DCLK1: variants seen among roughly 807,000 people sequenced by gnomAD.
DCLK1 encodes serine/threonine-protein kinase DCLK1.
In DCLK1, 16 loss-of-function variants were observed where a neutral mutation model predicts 86.2. The observed-to-expected ratio is 0.19, with a 90% CI of 0.13 to 0.28. DCLK1 has a LOEUF of 0.28. Among genes scored for constraint, DCLK1 ranks in the 10% least tolerant of loss-of-function variants. The pLI is 1.00. For synonymous variants in DCLK1, 369 were observed against 370.5 expected (o/e 1.00, Z 0.05); for missense variants, 590 against 940.2 (o/e 0.63, Z 4.87).
At chr13:36,006,021 C>T (rs945796364) in intron 3 of DCLK1, among the ~76,000 whole-genome samples, 5 of 151,988 alleles carry the variant, frequency 3.3e-5, no homozygotes, top group African/African-American at 4.8e-5. Context: ...GCTGGAGGGT[C>T]GGGGGAAAGA....
intron 6 of DCLK1, among the ~76,000 whole-genome samples, chr13:35,841,308 T>C (rs1414653326): frequency 5.3e-5 from 8 of 152,212 alleles, no homozygotes; most frequent in South Asian, 2.1e-4. Context: ...CATCAGGTAC[T>C]CGATACAGAG....
intron 3 of DCLK1, among the ~76,000 whole-genome samples, chr13:35,983,268 G>C (rs1309152731): frequency 6.6e-6 from 1 of 152,186 alleles, no homozygotes; most frequent in Non-Finnish European, 1.5e-5. Context: ...TGGGATTACA[G>C]GCATGAGCCA....
chr13:35,878,406 C>A (rs569102204), intron 4 of DCLK1, among the ~76,000 whole-genome samples: 1 of 152,010 alleles, frequency 6.6e-6, no homozygotes, highest in South Asian at 2.1e-4. Context: ...CATCCTACTG[C>A]CTGTGGGGTT....
intron 15 of DCLK1, among the ~76,000 whole-genome samples, chr13:35,803,469 T>C (rs2086963352): frequency 1.3e-5 from 2 of 152,206 alleles, no homozygotes; most frequent in African/African-American, 4.8e-5. Context: ...ATGAGAAGCC[T>C]TAAAACAAAC....
At chr13:35,814,267 A>G (rs1429088824) in intron 11 of DCLK1, among the ~76,000 whole-genome samples, 2 of 152,212 alleles carry the variant, frequency 1.3e-5, no homozygotes, top group Non-Finnish European at 2.9e-5. Context: ...GCACGCGCGC[A>G]CACACGCACA....
At chr13:35,885,124 C>T (rs1485106563) in intron 4 of DCLK1, among the ~76,000 whole-genome samples, 4 of 152,078 alleles carry the variant, frequency 2.6e-5, no homozygotes, top group Admixed American at 2.6e-4. Context: ...CAAGCTTGAT[C>T]GGGAACAGAG....
At chr13:35,851,395 C>T (rs1870623405) in intron 6 of DCLK1, among the ~76,000 whole-genome samples, 1 of 152,152 alleles carries the variant, frequency 6.6e-6, no homozygotes, top group South Asian at 2.1e-4. Flanking sequence ...ACCTCCCCTT[C>T]CTGCTACTAG....
intron 16 of DCLK1, among the ~76,000 whole-genome samples, chr13:35,775,789 CAG>C (rs2086415213): frequency 6.6e-6 from 1 of 152,136 alleles, no homozygotes; most frequent in Admixed American, 6.5e-5. Context: ...CTTCAAAGAA[CAG>C]AGATAAATTT....
chr13:36,073,640 C>T (rs1386116992), intron 3 of DCLK1, among the ~76,000 whole-genome samples: 1 of 152,172 alleles, frequency 6.6e-6, no homozygotes, highest in Non-Finnish European at 1.5e-5. Flanking sequence ...AATTCCATCA[C>T]CACCTGCTGT....
chr13:35,962,379 G>A lies in DCLK1; in HGVS notation c.724-14922C>T, dbSNP rs567971025. 1.8e-4 allele frequency among the ~76,000 whole-genome samples: 27 copies of A among 152,274 alleles called. 2 individuals carry two copies. The South Asian group carries it at 5.0e-3, about 28-fold the overall frequency. ...CACGTGAATATAAAGGCAGAGGTTGGAAGATGCTTCCGTAAGCCACGGAAC... is the reference window on the plus strand; with the variant it reads ...CACGTGAATATAAAGGCAGAGGTTGAAAGATGCTTCCGTAAGCCACGGAAC... On this transcript the variant is annotated intron_variant, in intron 3 of 16. Coordinates refer to ENST00000360631, the MANE Select transcript of DCLK1 (RefSeq NM_001330071.2).
At position 35,810,839 on chromosome 13, in the gene DCLK1, T is replaced by C. The variant is rs1419839290; in HGVS notation, c.1684A>G (p.Thr562Ala). The change falls in exon 12 of 17, where the codon ACT becomes GCT. Residue 562 changes from threonine to alanine, a missense_variant. Thr to Ala is a moderately conservative substitution (Grantham distance 58, BLOSUM62 0). This residue lies in a region of DCLK1 where 28 missense variants were observed against 77.1 expected (regional missense o/e 0.36). Coordinates refer to ENST00000360631, the MANE Select transcript of DCLK1 (RefSeq NM_001330071.2). ...AAACATAAGAGAAGCATTTACCCAG[T>C]CTCTGCAATGATTTCTGGAGCCACG... ...TYVAPEIIAETGYGLKVDIWA... is the reference protein window; with the variant it reads ...TYVAPEIIAEAGYGLKVDIWA... 6.2e-7 allele frequency: 1 copy of C among 1,613,598 alleles called. No individual in the cohort carries two copies. Among genetic ancestry groups the C allele is most frequent in the Admixed American group, 1.7e-5 (1 of 59,908 alleles).
intron 6 of DCLK1, chr13:35,850,908 AT>A: frequency 1.4e-6 from 1 of 690,860 alleles, no homozygotes; most frequent in Non-Finnish European, 2.2e-6. Flanking sequence ...ACCAACTTGG[AT>A]TAGGAGGAAA....
intron 4 of DCLK1, among the ~76,000 whole-genome samples, chr13:35,943,057 A>G (rs558226871): frequency 6.6e-6 from 1 of 152,358 alleles, no homozygotes; most frequent in Admixed American, 6.5e-5. Flanking sequence ...GTACCTTTGA[A>G]TGAATCTTAT....
At chr13:35,942,357 G>A (rs1399325218) in intron 4 of DCLK1, among the ~76,000 whole-genome samples, 2 of 152,068 alleles carry the variant, frequency 1.3e-5, no homozygotes, top group African/African-American at 2.4e-5. Context: ...TAGTAGAGAT[G>A]GGGTTTCACT....
chr13:35,817,210 T>C (rs1354201269), intron 11 of DCLK1, among the ~76,000 whole-genome samples: 2 of 152,158 alleles, frequency 1.3e-5, no homozygotes, highest in Non-Finnish European at 2.9e-5. Flanking sequence ...AGGGATACCT[T>C]TTCCTTCCTG....
chr13:35,837,799 C>T (rs1869495133), intron 7 of DCLK1, among the ~76,000 whole-genome samples: 1 of 152,046 alleles, frequency 6.6e-6, no homozygotes, highest in South Asian at 2.1e-4. Context: ...GGTGTGGTGG[C>T]TCATGCCTGT....
intron 6 of DCLK1, chr13:35,850,347 T>C: frequency 1.0e-6 from 1 of 993,496 alleles, no homozygotes; most frequent in Non-Finnish European, 1.2e-6. Context: ...CTATGTCTAC[T>C]TATAATTAAG....
At chr13:35,920,448 C>G (rs1256204591) in intron 4 of DCLK1, among the ~76,000 whole-genome samples, 1 of 152,236 alleles carries the variant, frequency 6.6e-6, no homozygotes. Flanking sequence ...AAATGAATAG[C>G]AAAACCAAAA....
intron 6 of DCLK1, among the ~76,000 whole-genome samples, chr13:35,840,324 T>G (rs888431308): frequency 6.6e-6 from 1 of 152,126 alleles, no homozygotes; most frequent in African/African-American, 2.4e-5. Context: ...ATTCAAAGAT[T>G]TTAGTTTTCA....
Sources: gnomAD v4.1 joint callset for allele counts (sites outside exome capture counted in the v4.1 genomes callset) on GRCh38, gnomAD v4.1.1 for gene constraint, gnomAD v4.1.1 regional missense constraint, MANE v1.5 for transcripts, NCBI Gene and HGNC (gene_info 2026-07-23, HGNC 2026-07-21) for gene names.